SNX29: variants seen among roughly 807,000 people sequenced by gnomAD.
The protein encoded by SNX29 is sorting nexin 29.
SNX29 carries 78 observed loss-of-function variants against 102.1 expected under a neutral mutation model. The observed-to-expected ratio is 0.76, with a 90% CI of 0.64 to 0.92. SNX29 has a LOEUF of 0.92. Among genes scored for constraint, SNX29 ranks in the 40% least tolerant of loss-of-function variants. SNX29 has a pLI of 0.00. For missense variants in SNX29, 1,280 were observed against 1,061.7 expected (o/e 1.21, Z -2.86); for synonymous variants, 580 against 414.5 (o/e 1.40, Z -4.85).
intron 10 of SNX29, among the ~76,000 whole-genome samples, chr16:12,072,733 A>G (rs2051359975): frequency 6.6e-6 from 1 of 152,088 alleles, no homozygotes; most frequent in African/African-American, 2.4e-5. Context: ...GAATAGTTTC[A>G]GAAGGAATGG....
Position 12,477,852 on chromosome 16 carries a change from G to GA in SNX29, c.2174dup (p.Asn725LysfsTer88). On this transcript the variant is annotated frameshift_variant, in exon 19 of 21. Transcript: ENST00000566228. LOFTEE classifies it high-confidence loss of function. ...AACTTCCCACCCAAAAAGGCCATTG[G>GA]AAACAAGGTACCATCCCGTGCTGGG... is the stretch of plus-strand genomic sequence containing the variant. 6.2e-7 allele frequency: 1 copy of GA among 1,606,380 alleles called. No homozygotes were observed. Among genetic ancestry groups the GA allele is most frequent in the Non-Finnish European group, 8.5e-7 (1 of 1,177,762 alleles).
At chr16:12,244,074 G>A (rs923394973) in intron 14 of SNX29, among the ~76,000 whole-genome samples, 5 of 152,088 alleles carry the variant, frequency 3.3e-5, no homozygotes, top group African/African-American at 9.7e-5. Flanking sequence ...CCATGGGTGC[G>A]CAGCTCACAA....
intron 20 of SNX29, among the ~76,000 whole-genome samples, chr16:12,538,903 T>A: frequency 9.5e-6 from 1 of 104,902 alleles, no homozygotes; most frequent in Non-Finnish European, 1.8e-5. Context: ...ATTAATGACC[T>A]GTTCTAAGTG....
intron 14 of SNX29, among the ~76,000 whole-genome samples, chr16:12,256,377 CATTCTG>C (rs2078573612): frequency 6.6e-6 from 1 of 152,102 alleles, no homozygotes; most frequent in Non-Finnish European, 1.5e-5. Context: ...GGTGGAGTCT[CATTCTG>C]TCATGCAGAT....
intron 15 of SNX29, among the ~76,000 whole-genome samples, chr16:12,313,317 G>GT (rs1266262330): frequency 1.1e-4 from 17 of 152,114 alleles, no homozygotes; most frequent in Non-Finnish European, 2.4e-4. Context: ...CCTGGCCTGG[G>GT]TTTTTTTAAA....
chr16:12,042,116 C>T (rs1489557660), intron 4 of SNX29, among the ~76,000 whole-genome samples: 5 of 152,248 alleles, frequency 3.3e-5, no homozygotes, highest in African/African-American at 7.2e-5. Flanking sequence ...CTGCAACCTC[C>T]GCCTCCTGGG....
chr16:12,047,893 G>A (rs2050151380), intron 6 of SNX29, among the ~76,000 whole-genome samples: 1 of 152,000 alleles, frequency 6.6e-6, no homozygotes, highest in Non-Finnish European at 1.5e-5. Context: ...CTGACCTCAG[G>A]TGATCCACCT....
At chr16:12,178,662 G>A (rs370471535) in intron 13 of SNX29, among the ~76,000 whole-genome samples, 13 of 152,318 alleles carry the variant, frequency 8.5e-5, no homozygotes, top group African/African-American at 2.6e-4. Flanking sequence ...GGTATGGCCC[G>A]GGCCCTCTCT....
chr16:12,308,733 T>C (rs1283727538), intron 15 of SNX29, among the ~76,000 whole-genome samples: 2 of 152,192 alleles, frequency 1.3e-5, no homozygotes, highest in African/African-American at 4.8e-5. Context: ...TGGGTACAAA[T>C]TAAACACGAG....
intron 20 of SNX29, among the ~76,000 whole-genome samples, chr16:12,560,573 G>A (rs918443067): frequency 1.3e-5 from 2 of 152,104 alleles, no homozygotes; most frequent in African/African-American, 4.8e-5. Context: ...GATTCCTTGG[G>A]GTCTGTCCAT....
chr16:12,285,401 A>G (rs1044262674), intron 15 of SNX29, among the ~76,000 whole-genome samples: 1 of 152,178 alleles, frequency 6.6e-6, no homozygotes, highest in African/African-American at 2.4e-5. Context: ...TTAAAATTAT[A>G]AGACACTTAT....
intron 13 of SNX29, among the ~76,000 whole-genome samples, chr16:12,160,516 T>C (rs1028112286): frequency 6.6e-6 from 1 of 152,148 alleles, no homozygotes; most frequent in Non-Finnish European, 1.5e-5. Context: ...AGCAAATTTC[T>C]AGAGACAGAA....
chr16:12,557,277 A>C (rs1274786537), intron 20 of SNX29: 1 of 152,284 alleles, frequency 6.6e-6, no homozygotes, highest in Non-Finnish European at 1.5e-5. Context: ...GAGTGCAGGC[A>C]GAAGAGACCT....
chr16:12,540,844 C>T (rs781618316), intron 20 of SNX29, among the ~76,000 whole-genome samples: 5 of 152,176 alleles, frequency 3.3e-5, no homozygotes, highest in South Asian at 2.1e-4. Flanking sequence ...AGATCGCCTC[C>T]ACCCTTTCTG....
chr16:12,165,919 C>A (rs2056000159), intron 13 of SNX29, among the ~76,000 whole-genome samples: 1 of 152,252 alleles, frequency 6.6e-6, no homozygotes, highest in East Asian at 1.9e-4. Flanking sequence ...GCACACTAGC[C>A]ATGTGACCTT....
At chr16:12,040,250 G>A (rs145792026) in intron 4 of SNX29, among the ~76,000 whole-genome samples, 287 of 152,180 alleles carry the variant, frequency 1.9e-3, no homozygotes, top group African/African-American at 6.5e-3. Flanking sequence ...ATGGGGGTGC[G>A]TGCCTGTGTC....
chr16:12,401,045 A>G (rs897513856), intron 17 of SNX29, among the ~76,000 whole-genome samples: 1 of 151,928 alleles, frequency 6.6e-6, no homozygotes, highest in African/African-American at 2.4e-5. Context: ...GTTAGCCAGG[A>G]TGGTCTCGAT....
intron 15 of SNX29, among the ~76,000 whole-genome samples, chr16:12,309,318 G>A (rs145685463): frequency 6.6e-4 from 100 of 152,276 alleles, no homozygotes; most frequent in African/African-American, 2.3e-3. Flanking sequence ...TACCTATCTA[G>A]CCTCCCAATG....
chr16:12,536,640 C>G (rs1366991097), intron 20 of SNX29, among the ~76,000 whole-genome samples: 6 of 152,252 alleles, frequency 3.9e-5, no homozygotes, highest in African/African-American at 1.4e-4. Context: ...GTGTATACAG[C>G]TAATTTCTGG....
Sources: allele counts gnomAD v4.1 joint callset (sites outside exome capture counted in the v4.1 genomes callset), GRCh38; gene constraint gnomAD v4.1.1; transcripts MANE v1.5; gene names NCBI Gene and HGNC (gene_info 2026-07-23, HGNC 2026-07-21).